Variants in MAP3K3 observed in about 807,000 individuals in gnomAD.
MAP3K3 encodes the protein MAP/ERK kinase kinase 3.
Under a neutral mutation model 80.9 loss-of-function variants are expected in MAP3K3, and 12 were observed. The ratio of observed to expected loss-of-function variants is 0.15; its 90% CI spans 0.10 to 0.24. The LOEUF (loss-of-function observed/expected upper bound fraction) is 0.24, where lower values mean the gene tolerates loss of function less well. Ranked by LOEUF, MAP3K3 falls within the 10% of genes least tolerant of loss-of-function variation. MAP3K3 has a pLI of 1.00. For synonymous variants in MAP3K3, 272 were observed against 307.1 expected, an observed-to-expected ratio of 0.89 and a Z score of 1.19; for missense variants, 596 against 834.7, an observed-to-expected ratio of 0.71 and a Z score of 3.52.
rs147831640 is a variant in MAP3K3 at position 63,693,804 on chromosome 17, C to T, written c.*27C>T. On this transcript the variant is annotated 3_prime_UTR_variant, in exon 16 of 16. Transcript: ENST00000361733. The surrounding 1 kb of genome is among the most constrained non-coding windows in gnomAD (Gnocchi z 4.2). ...CTCTCACGGCCACACAGCTGCCGGT[C>T]GCCCTTTGCTGCATGGCAGGGGGCT... The T allele has an allele frequency of 4.5e-5, 71 of 1,577,802 alleles. No individual in the cohort carries two copies. The highest frequency in any genetic ancestry group is 3.8e-4 in the South Asian group (33 of 87,608).
Position 63,694,389 on chromosome 17 carries a change from C to G in MAP3K3, c.*612C>G, listed in dbSNP as rs1156251636. The G allele has an allele frequency of 6.5e-6, 1 of 152,738 alleles. No homozygotes were observed. The highest frequency in any genetic ancestry group is 2.4e-5 in the African/African-American group (1 of 41,458). The allele number at this position is 152,738 out of a possible 1,614,324, so 9.5% of individuals were successfully genotyped here. On this transcript the variant is annotated 3_prime_UTR_variant, in exon 16 of 16. Coordinates refer to ENST00000361733, the MANE Select transcript of MAP3K3 (RefSeq NM_002401.5). The stretch of plus-strand genomic sequence containing the variant: ...GCTGCCTTATTCAGGGAAGGAGGAG[C>G]CTGTCCTGCCTGTGGCCATGACCCT...
chr17:63,659,153 T>G (rs1315883216), intron 5 of MAP3K3, among the ~76,000 whole-genome samples: 3 of 152,202 alleles, frequency 2.0e-5, no homozygotes, highest in Non-Finnish European at 4.4e-5. Flanking sequence ...ATTACAAGTG[T>G]GAGCCACTAC....
intron 5 of MAP3K3, among the ~76,000 whole-genome samples, chr17:63,663,762 A>G (rs1446649646): frequency 1.3e-5 from 2 of 151,988 alleles, no homozygotes; most frequent in Non-Finnish European, 2.9e-5. Context: ...CGTGGTGGCA[A>G]ATGCCTGCAA....
chr17:63,661,422 G>A (rs1026622005), intron 5 of MAP3K3, among the ~76,000 whole-genome samples: 1 of 152,170 alleles, frequency 6.6e-6, no homozygotes, highest in Non-Finnish European at 1.5e-5. Context: ...GTCTCCTTCT[G>A]TAGTTTTTGC....
chr17:63,695,994 C>T lies in MAP3K3; in HGVS notation c.*2217C>T, dbSNP rs1368001821. ...GGCCCAAAGGTTCTGAAGGGCAGTT[C>T]CTGGCAGCCCCAGGCTTGCTGTGGG... On this transcript the variant is annotated 3_prime_UTR_variant, in exon 16 of 16. Transcript: ENST00000361733. The surrounding 1 kb of genome is among the most constrained non-coding windows in gnomAD (Gnocchi z 4.1). The T allele has an allele frequency of 6.6e-6, 1 of 152,562 alleles. No individual in the cohort carries two copies. Among genetic ancestry groups the T allele is most frequent in the Non-Finnish European group, 1.5e-5 (1 of 68,060 alleles). The allele number at this position is 152,562 out of a possible 1,614,324, so 9.5% of individuals were successfully genotyped here. A position where few individuals can be genotyped will look rare whatever the true frequency, so the allele number is the denominator to read the frequency against.
At chr17:63,663,385 C>A (rs1291777787) in intron 5 of MAP3K3, among the ~76,000 whole-genome samples, 3 of 152,026 alleles carry the variant, frequency 2.0e-5, no homozygotes, top group Non-Finnish European at 4.4e-5. Context: ...GCCCGCAATC[C>A]CAGATACTCG....
chr17:63,675,676 G>A (rs865963565), intron 6 of MAP3K3, among the ~76,000 whole-genome samples: 14 of 152,240 alleles, frequency 9.2e-5, no homozygotes, highest in African/African-American at 3.1e-4. Flanking sequence ...ATGGGAAACT[G>A]TGGGCCTCTC....
intron 2 of MAP3K3, among the ~76,000 whole-genome samples, chr17:63,639,282 A>G (rs990128415): frequency 1.3e-5 from 2 of 152,170 alleles, no homozygotes; most frequent in Non-Finnish European, 2.9e-5. Flanking sequence ...GAACGGAGGA[A>G]GGGTGGCACT....
chr17:63,641,527 C>T (rs146544070), intron 2 of MAP3K3, among the ~76,000 whole-genome samples: 9 of 152,246 alleles, frequency 5.9e-5, no homozygotes, highest in African/African-American at 1.7e-4. Context: ...AAGGCCACCA[C>T]GCCCAGCCTA....
intron 2 of MAP3K3, among the ~76,000 whole-genome samples, chr17:63,636,440 G>A (rs778607241): frequency 2.6e-5 from 4 of 152,178 alleles, no homozygotes; most frequent in Non-Finnish European, 5.9e-5. Context: ...ATTCTTAGAT[G>A]TGTGGCACAT....
At position 63,692,431 on chromosome 17, in the gene MAP3K3, G is replaced by C; in HGVS notation, c.1652+12G>C. The C allele has an allele frequency of 6.3e-7, 1 of 1,594,548 alleles. No homozygotes were observed. Among genetic ancestry groups the C allele is most frequent in the Non-Finnish European group, 8.6e-7 (1 of 1,168,598 alleles). Reference sequence around the variant, plus strand: ...AAAGCAGACGTGTGGTGAGCACTGGGACATGCAGAACCCATTCTTCCACCC... The same window carrying C: ...AAAGCAGACGTGTGGTGAGCACTGGCACATGCAGAACCCATTCTTCCACCC... On this transcript the variant is annotated intron_variant, in intron 15 of 15. Transcript: ENST00000361733. The surrounding 1 kb of genome is among the most constrained non-coding windows in gnomAD (Gnocchi z 4.5).
At chr17:63,643,514 TAATAAC>T in intron 2 of MAP3K3, among the ~76,000 whole-genome samples, 1 of 151,618 alleles carries the variant, frequency 6.6e-6, no homozygotes, top group South Asian at 2.1e-4. Flanking sequence ...CCTGTCTCAA[TAATAAC>T]AATAATAATA....
intron 7 of MAP3K3, among the ~76,000 whole-genome samples, chr17:63,684,287 C>T (rs2035402270): frequency 6.6e-6 from 1 of 152,192 alleles, no homozygotes; most frequent in African/African-American, 2.4e-5. Context: ...CTTTGGTATT[C>T]TTCCTCCACC....
At chr17:63,664,152 C>G (rs1282211607) in intron 5 of MAP3K3, among the ~76,000 whole-genome samples, 1 of 144,056 alleles carries the variant, frequency 6.9e-6, no homozygotes, top group African/African-American at 2.6e-5. Flanking sequence ...GAGGCTGAGG[C>G]AGGAGAATGG....
At chr17:63,634,777 G>A in intron 2 of MAP3K3, 1 of 1,613,922 alleles carries the variant, frequency 6.2e-7, no homozygotes, top group Non-Finnish European at 8.5e-7. Context: ...CATGTGCAGG[G>A]GCCAGTGAGA....
intron 2 of MAP3K3, among the ~76,000 whole-genome samples, chr17:63,635,540 A>G (rs1351052648): frequency 2.0e-5 from 3 of 152,250 alleles, no homozygotes; most frequent in African/African-American, 7.2e-5. Flanking sequence ...CTTCAGCAAA[A>G]TTCTGAAAGC....
At chr17:63,636,041 G>A (rs533944423) in intron 2 of MAP3K3, among the ~76,000 whole-genome samples, 4 of 152,294 alleles carry the variant, frequency 2.6e-5, no homozygotes, top group Admixed American at 6.5e-5. Flanking sequence ...AGGCAGAGTC[G>A]AGACTGGCAC....
intron 2 of MAP3K3, among the ~76,000 whole-genome samples, chr17:63,635,257 T>C (rs892585916): frequency 1.3e-5 from 2 of 151,934 alleles, no homozygotes; most frequent in African/African-American, 4.8e-5. Context: ...AGATATTCAT[T>C]GGTATGTTCA....
At chr17:63,679,214 A>G (rs2035280562) in intron 6 of MAP3K3, among the ~76,000 whole-genome samples, 1 of 152,162 alleles carries the variant, frequency 6.6e-6, no homozygotes, top group Non-Finnish European at 1.5e-5. Context: ...TGTTCCTAAA[A>G]GTGCACACAC....
Sources: gnomAD v4.1 joint callset for allele counts (sites outside exome capture counted in the v4.1 genomes callset) on GRCh38, gnomAD v4.1.1 for gene constraint, Gnocchi (gnomAD v3.1) non-coding constraint, MANE v1.5 for transcripts, NCBI Gene and HGNC (gene_info 2026-07-23, HGNC 2026-07-21) for gene names.